Variants in GHR observed in about 807,000 individuals in gnomAD.
GHR encodes the protein GH receptor.
Under a neutral mutation model 67.1 loss-of-function variants are expected in GHR, and 35 were observed. The ratio of observed to expected loss-of-function variants is 0.52; its 90% CI spans 0.40 to 0.69. The LOEUF (loss-of-function observed/expected upper bound fraction) is 0.69. Ranked by LOEUF, GHR falls within the 30% of genes least tolerant of loss-of-function variation. GHR has a pLI of 0.00. For missense variants in GHR, 792 were observed against 764.6 expected, an observed-to-expected ratio of 1.04 and a Z score of -0.42; for synonymous variants, 272 against 269.1, an observed-to-expected ratio of 1.01 and a Z score of -0.10.
rs574109279 is a variant in GHR, at chr5:42,558,063, C to G, written c.-11-7801C>G. On this transcript the variant is annotated intron_variant, in intron 1 of 9. Transcript: ENST00000230882. Reference sequence around the variant, plus strand: ...ATTGGCAAATGATACAAATCATGACCCTTTTTTTAAATTCCAGGGAGACAG... The same window carrying G: ...ATTGGCAAATGATACAAATCATGACGCTTTTTTTAAATTCCAGGGAGACAG... Among the ~76,000 whole-genome samples the G allele has an allele frequency of 3.9e-5, 6 of 152,134 alleles. 1 individual carries two copies. In the South Asian group the frequency reaches 1.2e-3, roughly 32 times the overall value.
chr5:42,576,122 A>G (rs377386556), intron 2 of GHR, among the ~76,000 whole-genome samples: 7,917 of 95,452 alleles, frequency 0.083, 431 homozygotes, highest in African/African-American at 0.17. Flanking sequence ...ATAAAATAAA[A>G]TAAAATAAAA....
intron 1 of GHR, among the ~76,000 whole-genome samples, chr5:42,496,529 G>A (rs1746327116): frequency 6.6e-6 from 1 of 152,064 alleles, no homozygotes; most frequent in Non-Finnish European, 1.5e-5. Flanking sequence ...ACTGTGTTGT[G>A]GGAGCCTGAT....
At chr5:42,472,214 C>A (rs1459212944) in intron 1 of GHR, among the ~76,000 whole-genome samples, 1 of 152,096 alleles carries the variant, frequency 6.6e-6, no homozygotes, top group African/African-American at 2.4e-5. Flanking sequence ...TTTTAAGATG[C>A]TTTACTTCTG....
intron 1 of GHR, chr5:42,466,785 A>T: frequency 1.4e-6 from 1 of 729,282 alleles, no homozygotes; most frequent in Non-Finnish European, 2.1e-6. Context: ...TTAAGGACAT[A>T]GGCCTCATCT....
At chr5:42,614,040 C>T (rs1353959996) in intron 2 of GHR, among the ~76,000 whole-genome samples, 1 of 152,072 alleles carries the variant, frequency 6.6e-6, no homozygotes, top group Non-Finnish European at 1.5e-5. Flanking sequence ...AGGACCTGAA[C>T]CGAATGCTGG....
chr5:42,603,819 A>T (rs1480450839), intron 2 of GHR, among the ~76,000 whole-genome samples: 1 of 152,152 alleles, frequency 6.6e-6, no homozygotes, highest in African/African-American at 2.4e-5. Flanking sequence ...CAATTCCAAC[A>T]CTTCTACTGA....
chr5:42,540,806 C>T (rs1426643905), intron 1 of GHR, among the ~76,000 whole-genome samples: 1 of 152,128 alleles, frequency 6.6e-6, no homozygotes, highest in Non-Finnish European at 1.5e-5. Flanking sequence ...CCTTCTGCAC[C>T]CCCCAGTCAG....
chr5:42,609,072 G>C (rs1752764321), intron 2 of GHR, among the ~76,000 whole-genome samples: 1 of 152,168 alleles, frequency 6.6e-6, no homozygotes, highest in Admixed American at 6.5e-5. Flanking sequence ...GCAATAATAT[G>C]TCTATGTACA....
chr5:42,584,490 T>C (rs1230089084), intron 2 of GHR, among the ~76,000 whole-genome samples: 1 of 152,170 alleles, frequency 6.6e-6, no homozygotes, highest in South Asian at 2.1e-4. Context: ...TGTTAACCAA[T>C]AGGGCAGAAC....
intron 1 of GHR, among the ~76,000 whole-genome samples, chr5:42,508,130 C>T (rs1428075020): frequency 2.6e-5 from 4 of 152,166 alleles, no homozygotes; most frequent in South Asian, 2.1e-4. Flanking sequence ...TACTTTCTTC[C>T]AAATACTCTT....
chr5:42,457,458 G>C (rs561251663), intron 1 of GHR, among the ~76,000 whole-genome samples: 1 of 152,090 alleles, frequency 6.6e-6, no homozygotes, highest in East Asian at 1.9e-4. Context: ...AGTGATTTGC[G>C]TAAATATCAA....
chr5:42,709,277 G>A (rs1407213466), intron 6 of GHR, among the ~76,000 whole-genome samples: 1 of 152,138 alleles, frequency 6.6e-6, no homozygotes, highest in African/African-American at 2.4e-5. Flanking sequence ...AGGATTACAG[G>A]CGCAAGCCAC....
In GHR at chr5:42,595,037, G is replaced by A. The variant is rs185540350; in HGVS notation, c.70+29093G>A. On this transcript the variant is annotated intron_variant, in intron 2 of 9. Coordinates refer to ENST00000230882, the MANE Select transcript of GHR (RefSeq NM_000163.5). ...AACATCTAAAAACTTACAATCTAAG[G>A]CCCAACATAAATACTAATAGATGAT... Among the ~76,000 whole-genome samples, 369 of 152,108 alleles carry A rather than the reference G, an allele frequency of 2.4e-3. 5 individuals carry two copies. Among genetic ancestry groups the A allele is most frequent in the South Asian group, 2.3e-3 (11 of 4,814 alleles).
At chr5:42,646,582 A>G (rs529178319) in intron 3 of GHR, among the ~76,000 whole-genome samples, 1 of 152,332 alleles carries the variant, frequency 6.6e-6, no homozygotes, top group Non-Finnish European at 1.5e-5. Flanking sequence ...TGGCTGGACC[A>G]TAGTGACTAC....
intron 1 of GHR, among the ~76,000 whole-genome samples, chr5:42,479,772 C>T (rs531269992): frequency 2.0e-5 from 3 of 152,178 alleles, no homozygotes; most frequent in Admixed American, 6.5e-5. Context: ...TGATTATTCT[C>T]TCTTTTCTTC....
At chr5:42,696,807 G>A (rs1183814044) in intron 5 of GHR, among the ~76,000 whole-genome samples, 2 of 152,134 alleles carry the variant, frequency 1.3e-5, no homozygotes, top group Non-Finnish European at 2.9e-5. Context: ...ACCATCTTTT[G>A]CAATCACACT....
At chr5:42,586,189 T>C (rs1160637118) in intron 2 of GHR, among the ~76,000 whole-genome samples, 4 of 152,236 alleles carry the variant, frequency 2.6e-5, no homozygotes, top group South Asian at 4.2e-4. Context: ...CTCCTCCTCC[T>C]CCTCCTCTCC....
At chr5:42,549,400 GGA>G (rs2112410956) in intron 1 of GHR, among the ~76,000 whole-genome samples, 1 of 152,326 alleles carries the variant, frequency 6.6e-6, no homozygotes, top group East Asian at 1.9e-4. Context: ...ATGAGCCACA[GGA>G]GAGAGATGAC....
intron 1 of GHR, among the ~76,000 whole-genome samples, chr5:42,515,374 AAC>A (rs1747192610): frequency 6.6e-6 from 1 of 152,166 alleles, no homozygotes; most frequent in Non-Finnish European, 1.5e-5. Flanking sequence ...CCTGTCGTTA[AAC>A]ACAGTCAATT....
Sources: allele counts gnomAD v4.1 joint callset (sites outside exome capture counted in the v4.1 genomes callset), GRCh38; gene constraint gnomAD v4.1.1; transcripts MANE v1.5; gene names NCBI Gene and HGNC (gene_info 2026-07-23, HGNC 2026-07-21).